Variants in RYR2 observed in about 807,000 individuals in gnomAD.
RYR2 encodes ryanodine receptor 2.
In RYR2, 227 loss-of-function variants were observed where a neutral mutation model predicts 601.1. The observed-to-expected ratio is 0.38, with a 90% confidence interval of 0.34 to 0.42. RYR2 has a LOEUF of 0.42. RYR2 is among the 10% of genes least tolerant of loss of function. The pLI, the probability that RYR2 is intolerant of heterozygous loss-of-function variation, is 1.00. For missense variants in RYR2, 4,646 were observed against 6,156.5 expected, an observed-to-expected ratio of 0.75 and a Z score of 8.21; for synonymous variants, 2,223 against 2,175.1, an observed-to-expected ratio of 1.02 and a Z score of -0.61.
chr1:237,341,459 T>C (rs10925374), intron 3 of RYR2, among the ~76,000 whole-genome samples: 21,169 of 152,142 alleles, frequency 0.14, 1,707 homozygotes, highest in East Asian at 0.34. Flanking sequence ...TTAACACTCC[T>C]TCCTGCATTT....
At chr1:237,393,601 T>A (rs1267889383) in intron 10 of RYR2, among the ~76,000 whole-genome samples, 1 of 152,224 alleles carries the variant, frequency 6.6e-6, no homozygotes, top group African/African-American at 2.4e-5. Context: ...AAGTTTAACC[T>A]ATGAGGGTTT....
At chr1:237,337,061 G>A (rs1041718181) in intron 3 of RYR2, among the ~76,000 whole-genome samples, 1 of 151,852 alleles carries the variant, frequency 6.6e-6, no homozygotes, top group Non-Finnish European at 1.5e-5. Flanking sequence ...GACCAGCCTA[G>A]CCAACATGTT....
chr1:237,219,260 C>G (rs1683525858), intron 1 of RYR2, among the ~76,000 whole-genome samples: 1 of 152,094 alleles, frequency 6.6e-6, no homozygotes, highest in Non-Finnish European at 1.5e-5. Context: ...TCAAGTGATC[C>G]ACCTGCCTTG....
At chr1:237,242,086 TC>T (rs1475982028) in intron 1 of RYR2, among the ~76,000 whole-genome samples, 1 of 152,130 alleles carries the variant, frequency 6.6e-6, no homozygotes, top group Non-Finnish European at 1.5e-5. Context: ...GGATTTGAAG[TC>T]TTCAGAGAAA....
intron 87 of RYR2, 70 bp from the exon 88 acceptor site, chr1:237,778,594 CCT>C (rs1220788282): frequency 3.3e-5 from 24 of 716,914 alleles, no homozygotes; most frequent in South Asian, 6.3e-5. Context: ...CAACTTTTCC[CCT>C]GTTATTGTAC....
chr1:237,805,260 A>G (rs550340119), intron 98 of RYR2, among the ~76,000 whole-genome samples: 5 of 152,180 alleles, frequency 3.3e-5, no homozygotes, highest in African/African-American at 1.2e-4. Flanking sequence ...ACAAAGAACA[A>G]ACTGATACAG....
At chr1:237,436,832 A>G (rs1480484830) in intron 12 of RYR2, among the ~76,000 whole-genome samples, 1 of 150,080 alleles carries the variant, frequency 6.7e-6, no homozygotes. Flanking sequence ...AAATAATTCT[A>G]TAGGACTAGT....
intron 2 of RYR2, among the ~76,000 whole-genome samples, chr1:237,317,796 A>G (rs1007623042): frequency 4.6e-5 from 7 of 151,976 alleles, no homozygotes; most frequent in African/African-American, 1.7e-4. Context: ...CTTACGGTTA[A>G]TGTTTTCATC....
chr1:237,643,489 G>A lies in RYR2; in HGVS notation c.7342+42G>A, dbSNP rs138954285. Reference sequence around the variant, plus strand: ...TTTGTCCTAATTCAGTAGGATGTTGGATGACATCATGTTCTAAAGAATGTT... The same window carrying A: ...TTTGTCCTAATTCAGTAGGATGTTGAATGACATCATGTTCTAAAGAATGTT... On this transcript the variant is annotated intron_variant, in intron 48 of 104. Transcript: ENST00000366574. 2,074 of 1,612,244 alleles carry A rather than the reference G, an allele frequency of 1.3e-3. 30 individuals are homozygous for A. In the East Asian group the frequency reaches 0.019, roughly 15 times the overall value.
At chr1:237,382,693 G>A (rs909357332) in intron 8 of RYR2, among the ~76,000 whole-genome samples, 20 of 152,014 alleles carry the variant, frequency 1.3e-4, no homozygotes, top group African/African-American at 4.3e-4. Context: ...AAAAAATATA[G>A]ATAATTATTG....
At chr1:237,071,608 C>G (rs1212522755) in intron 1 of RYR2, among the ~76,000 whole-genome samples, 11 of 152,134 alleles carry the variant, frequency 7.2e-5, no homozygotes, top group Admixed American at 7.2e-4. Context: ...GGAAAAAACA[C>G]TATAAACTCT....
At chr1:237,633,788 A>C (rs1680582712) in intron 43 of RYR2, 78 bp downstream of exon 43, 1 of 1,385,810 alleles carries the variant, frequency 7.2e-7, no homozygotes, top group Non-Finnish European at 9.7e-7. Flanking sequence ...GTTTTGTTAA[A>C]AAATGTGCAA....
rs370137981 is a variant in RYR2 at position 237,053,198 on chromosome 1, A to T, written c.48+10629A>T. On this transcript the variant is annotated intron_variant, in intron 1 of 104. Coordinates refer to ENST00000366574, the MANE Select transcript of RYR2 (RefSeq NM_001035.3). ...CCGTTAGTTCCCTTTGGTCTTGGAC[A>T]TGTCTGTCATGACATGTTTCCAAGG... 3.9e-5 allele frequency among the ~76,000 whole-genome samples: 6 copies of T among 152,228 alleles called. 1 individual carries two copies. In the East Asian group the frequency reaches 9.7e-4, roughly 25 times the overall value.
At chr1:237,204,300 C>T (rs867145362) in intron 1 of RYR2, among the ~76,000 whole-genome samples, 6 of 152,178 alleles carry the variant, frequency 3.9e-5, no homozygotes, top group African/African-American at 1.2e-4. Context: ...TGAGCCACCA[C>T]GCCTGGCCCA....
intron 1 of RYR2, among the ~76,000 whole-genome samples, chr1:237,263,608 A>T (rs945706268): frequency 8.5e-5 from 13 of 152,316 alleles, no homozygotes; most frequent in African/African-American, 2.6e-4. Context: ...CTCACCCTTG[A>T]GTGCTTCAAG....
At chr1:237,617,688 A>G (rs1678623636) in intron 38 of RYR2, among the ~76,000 whole-genome samples, 1 of 152,234 alleles carries the variant, frequency 6.6e-6, no homozygotes, top group Non-Finnish European at 1.5e-5. Context: ...ATTAGAAGAT[A>G]TCAGGTATAT....
chr1:237,580,575 G>C (rs969669419), intron 29 of RYR2, among the ~76,000 whole-genome samples: 1 of 152,074 alleles, frequency 6.6e-6, no homozygotes, highest in Non-Finnish European at 1.5e-5. Context: ...GTTCCTTGGG[G>C]CTCCACACAC....
chr1:237,566,882 C>T (rs757832251), intron 28 of RYR2, 107 bp downstream of exon 28: 19 of 1,116,296 alleles, frequency 1.7e-5, no homozygotes, highest in African/African-American at 1.2e-4. Context: ...ACAGCACAAA[C>T]GTGGAAAAAT....
intron 1 of RYR2, among the ~76,000 whole-genome samples, chr1:237,112,413 C>T (rs1669591092): frequency 1.3e-5 from 2 of 152,084 alleles, no homozygotes; most frequent in Admixed American, 6.5e-5. Flanking sequence ...CGTGCCCGGC[C>T]CCCTCCTCTC....
Sources: allele counts gnomAD v4.1 joint callset (sites outside exome capture counted in the v4.1 genomes callset), GRCh38; gene constraint gnomAD v4.1.1; transcripts MANE v1.5; gene names NCBI Gene and HGNC (gene_info 2026-07-23, HGNC 2026-07-21).